Variants in FUT2 observed in about 807,000 individuals in gnomAD.
FUT2 encodes the protein fucosyltransferase 2 (H blood group).
For synonymous variants in FUT2, 182 were observed against 193.1 expected, an observed-to-expected ratio of 0.94 and a Z score of 0.48; for missense variants, 419 against 465.8, an observed-to-expected ratio of 0.90 and a Z score of 0.93.
rs2032540576 is a variant in FUT2 at position 48,702,903 on chromosome 19, G to A, written c.-2-52G>A. On this transcript the variant is annotated intron_variant, in intron 1 of 1. Transcript: ENST00000425340. ...CCACCGCATGGCCACGTTCACCAGC[G>A]CCCCGGGCCTCCATCTCCCAGCTAA... The A allele has an allele frequency of 3.8e-6, 6 of 1,574,440 alleles. 1 individual carries two copies. Among genetic ancestry groups the A allele is most frequent in the South Asian group, 3.4e-5 (3 of 88,788 alleles).
chr19:48,697,497 C>T (rs2032436706), intron 1 of FUT2, among the ~76,000 whole-genome samples: 1 of 150,936 alleles, frequency 6.6e-6, no homozygotes, highest in South Asian at 2.3e-4. Flanking sequence ...ATAGCAAGAC[C>T]CCCTCCCCAC....
rs2032546732 is a variant in FUT2 at position 48,703,060 on chromosome 19, T to A, written c.104T>A (p.Ile35Asn). The A allele has an allele frequency of 6.2e-7, 1 of 1,613,048 alleles. No homozygotes were observed. The highest frequency in any genetic ancestry group is 8.5e-7 in the Non-Finnish European group (1 of 1,180,028). The part of the protein sequence containing the change: ...IFHVQQRLAK[I>N]QAMWELPVQI... Reference sequence around the variant, plus strand: ...CACGTTCAGCAGCGGCTAGCGAAGATTCAAGCCATGTGGGAGTTACCGGTG... The same window carrying A: ...CACGTTCAGCAGCGGCTAGCGAAGAATCAAGCCATGTGGGAGTTACCGGTG... The change falls in exon 2 of 2, where the codon ATT (isoleucine) becomes AAT (asparagine). Residue 35 changes from isoleucine (I) to asparagine (N), a missense_variant. Transcript: ENST00000425340.
intron 1 of FUT2, among the ~76,000 whole-genome samples, chr19:48,698,524 C>A (rs2032454740): frequency 1.3e-5 from 2 of 151,934 alleles, no homozygotes; most frequent in African/African-American, 4.8e-5. Context: ...TCACCACAAC[C>A]TCCATCTCCC....
chr19:48,705,947 T>C lies in FUT2; in HGVS notation c.*1959T>C, dbSNP rs2032634527. 1.2e-5 allele frequency: 2 copies of C among 163,528 alleles called. No individual in the cohort carries two copies. The highest frequency in any genetic ancestry group is 2.9e-5 in the Non-Finnish European group (2 of 68,072). 10.1% of individuals were successfully genotyped at this position (163,528 alleles called of 1,614,324 possible). ...ATAAACACAATTATGACTTTGCGGA[T>C]GGGAGAAAAGGTTCTCTGAGAGCGT... On this transcript the variant is annotated 3_prime_UTR_variant, in exon 2 of 2. Coordinates refer to ENST00000425340, the MANE Select transcript of FUT2 (RefSeq NM_000511.6).
chr19:48,703,237 T>G lies in FUT2; in HGVS notation c.281T>G (p.Phe94Cys). 1 of 1,613,076 alleles carries G rather than the reference T, an allele frequency of 6.2e-7. No individual in the cohort carries two copies. Among genetic ancestry groups the G allele is most frequent in the Non-Finnish European group, 8.5e-7 (1 of 1,180,006 alleles). The change falls in exon 2 of 2, where the codon TTC (phenylalanine) becomes TGC (cysteine). Residue 94 changes from phenylalanine (F) to cysteine (C), a missense_variant. Physicochemically the swap from Phe to Cys is radical, Grantham distance 205. Coordinates refer to ENST00000425340, the MANE Select transcript of FUT2 (RefSeq NM_000511.6). ...ALAKMNGRPA[F>C]IPAQMHSTLA... The stretch of plus-strand genomic sequence containing the variant: ...GCCAAGATGAACGGGCGGCCCGCCT[T>G]CATCCCGGCCCAGATGCACAGCACC...
At position 48,703,253 on chromosome 19, in the gene FUT2, G is replaced by A. The variant is rs748840898; in HGVS notation, c.297G>A (p.Met99Ile). The change falls in exon 2 of 2, where the codon ATG (methionine) becomes ATA (isoleucine). Residue 99 changes from methionine to isoleucine, a missense_variant. By Grantham distance (10) the Met-to-Ile change is conservative. Coordinates refer to ENST00000425340, the MANE Select transcript of FUT2 (RefSeq NM_000511.6). ...NGRPAFIPAQ[M>I]HSTLAPIFRI... Reference sequence around the variant, plus strand: ...GGCCCGCCTTCATCCCGGCCCAGATGCACAGCACCCTGGCCCCCATCTTCA... The same window carrying A: ...GGCCCGCCTTCATCCCGGCCCAGATACACAGCACCCTGGCCCCCATCTTCA... 20 of 1,612,956 alleles carry A rather than the reference G, an allele frequency of 1.2e-5. No homozygotes were observed. Among genetic ancestry groups the A allele is most frequent in the Non-Finnish European group, 1.7e-5 (20 of 1,180,024 alleles).
At chr19:48,699,749 T>A (rs960594179) in intron 1 of FUT2, among the ~76,000 whole-genome samples, 1 of 152,066 alleles carries the variant, frequency 6.6e-6, no homozygotes, top group African/African-American at 2.4e-5. Flanking sequence ...TGGCCAGAGC[T>A]TGTGCACCTA....
rs750075953 is a variant in FUT2 at position 48,705,106 on chromosome 19, C to CTTTTTTTTTTTTTTTTTT, written c.*1122_*1123insTTTTTTTTTTTTTTTTTT. ...GAGCTCACTGTTTTCTTTTCTTTTTCTTTTCTTTTTTTTTTTTTTTTTGAG... is the reference window on the plus strand; with the variant it reads ...GAGCTCACTGTTTTCTTTTCTTTTTCTTTTTTTTTTTTTTTTTTTTTTCTTTTTTTTTTTTTTTTTGAG... On this transcript the variant is annotated 3_prime_UTR_variant, in exon 2 of 2. Transcript: ENST00000425340. 1,053 of 188,642 alleles carry CTTTTTTTTTTTTTTTTTT rather than the reference C, an allele frequency of 5.6e-3. 113 individuals are homozygous for CTTTTTTTTTTTTTTTTTT. The highest frequency in any genetic ancestry group is 0.013 in the African/African-American group (393 of 29,842). 11.7% of individuals were successfully genotyped at this position (188,642 alleles called of 1,614,324 possible).
chr19:48,703,165 G>A lies in FUT2; in HGVS notation c.209G>A (p.Gly70Asp). Residue 70 changes from glycine to aspartate, a missense_variant, in exon 2 of 2, where the codon GGC becomes GAC. Physicochemically the swap from Gly to Asp is moderately conservative, Grantham distance 94 (BLOSUM62 -1). Coordinates refer to ENST00000425340, the MANE Select transcript of FUT2 (RefSeq NM_000511.6). ...LRGMWTINAI[G>D]RLGNQMGEYA... ...GGGATGTGGACGATCAATGCAATAG[G>A]CCGCCTGGGGAACCAGATGGGCGAG... 1.2e-6 allele frequency: 2 copies of A among 1,613,444 alleles called. No individual in the cohort carries two copies. The highest frequency in any genetic ancestry group is 1.7e-6 in the Non-Finnish European group (2 of 1,180,024).
rs1568462831 is a variant in FUT2 at position 48,704,441 on chromosome 19, AG to A, written c.*454del. ...CATCTCAAAAAAAAAAAAAAAAAAA[AG>A]AAAAGAAAAAGAAATGAATGGGTTC... is the stretch of plus-strand genomic sequence containing the variant. On this transcript the variant is annotated 3_prime_UTR_variant, in exon 2 of 2. Transcript: ENST00000425340. 7.7e-6 allele frequency: 1 copy of A among 129,272 alleles called. No homozygotes were observed. The allele number at this position is 129,272 out of a possible 1,614,324, so 8.0% of individuals were successfully genotyped here.
chr19:48,697,204 G>A (rs1013858127), intron 1 of FUT2, among the ~76,000 whole-genome samples: 4 of 151,836 alleles, frequency 2.6e-5, no homozygotes, highest in Non-Finnish European at 5.9e-5. Context: ...AATTAGCCAG[G>A]CGTGGTGGTG....
chr19:48,700,412 C>G (rs1056928039), intron 1 of FUT2, among the ~76,000 whole-genome samples: 1 of 151,522 alleles, frequency 6.6e-6, no homozygotes, highest in Non-Finnish European at 1.5e-5. Flanking sequence ...CCGCAAGTTG[C>G]GCCTCCCAGG....
At chr19:48,700,396 G>A (rs1044618852) in intron 1 of FUT2, among the ~76,000 whole-genome samples, 21 of 150,840 alleles carry the variant, frequency 1.4e-4, no homozygotes, top group Non-Finnish European at 2.7e-4. Context: ...GCGCGATCTC[G>A]GCTCACCGCA....
Position 48,703,731 on chromosome 19 carries a change from G to T in FUT2, c.775G>T (p.Asp259Tyr). ...GGAGAACATTGACACCTCCCACGGT[G>T]ATGTGGTGTTTGCTGGCGATGGCAT... ...CRENIDTSHG[D>Y]VVFAGDGIEG... The change falls in exon 2 of 2, where the codon GAT (aspartate) becomes TAT (tyrosine). Residue 259 changes from aspartate to tyrosine, a missense_variant. Coordinates refer to ENST00000425340, the MANE Select transcript of FUT2 (RefSeq NM_000511.6). 6.2e-7 allele frequency: 1 copy of T among 1,613,630 alleles called. No individual in the cohort carries two copies.
chr19:48,697,127 C>A (rs2032425603), intron 1 of FUT2, among the ~76,000 whole-genome samples: 1 of 150,706 alleles, frequency 6.6e-6, no homozygotes, highest in Non-Finnish European at 1.5e-5. Flanking sequence ...AGGCGGATCA[C>A]TTGAGGTCAG....
chr19:48,698,530 C>T (rs2032454898), intron 1 of FUT2, among the ~76,000 whole-genome samples: 1 of 151,968 alleles, frequency 6.6e-6, no homozygotes, highest in Admixed American at 6.6e-5. Context: ...CAACCTCCAT[C>T]TCCCAGGTTC....
Position 48,705,106 on chromosome 19 carries a change from C to CTTTTTTTTTTTTTTTTTTTT in FUT2, c.*1122_*1123insTTTTTTTTTTTTTTTTTTTT, listed in dbSNP as rs750075953. On this transcript the variant is annotated 3_prime_UTR_variant, in exon 2 of 2. Transcript: ENST00000425340. ...GAGCTCACTGTTTTCTTTTCTTTTT[C>CTTTTTTTTTTTTTTTTTTTT]TTTTCTTTTTTTTTTTTTTTTTGAG... 51 of 188,966 alleles carry CTTTTTTTTTTTTTTTTTTTT rather than the reference C, an allele frequency of 2.7e-4. 6 individuals carry two copies. Among genetic ancestry groups the CTTTTTTTTTTTTTTTTTTTT allele is most frequent in the African/African-American group, 1.5e-3 (44 of 29,916 alleles). The allele number at this position is 188,966 out of a possible 1,614,324, so 11.7% of individuals were successfully genotyped here.
In FUT2 at chr19:48,703,717, A is replaced by T; in HGVS notation, c.761A>T (p.Asp254Val). ...ATGGCCTGGTGTCGGGAGAACATTG[A>T]CACCTCCCACGGTGATGTGGTGTTT... ...NGMAWCRENI[D>V]TSHGDVVFAG... The change falls in exon 2 of 2, where the codon GAC (aspartate) becomes GTC (valine). Residue 254 changes from aspartate to valine, a missense_variant. Transcript: ENST00000425340. 2 of 1,613,568 alleles carry T rather than the reference A, an allele frequency of 1.2e-6. No individual in the cohort carries two copies. Among genetic ancestry groups the T allele is most frequent in the Non-Finnish European group, 1.7e-6 (2 of 1,180,004 alleles).
chr19:48,699,815 T>C (rs2032477617), intron 1 of FUT2, among the ~76,000 whole-genome samples: 1 of 151,916 alleles, frequency 6.6e-6, no homozygotes. Context: ...GTGTTGGACT[T>C]AGTGAAAGGA....
Sources: allele counts gnomAD v4.1 joint callset (sites outside exome capture counted in the v4.1 genomes callset), GRCh38; gene constraint gnomAD v4.1.1; transcripts MANE v1.5; gene names NCBI Gene and HGNC (gene_info 2026-07-23, HGNC 2026-07-21).